Variants in TRPM3 observed in about 807,000 individuals in gnomAD.
The protein encoded by TRPM3 is long transient receptor potential channel 3.
TRPM3 carries 77 observed loss-of-function variants against 181.2 expected under a neutral mutation model. The observed-to-expected ratio is 0.42, with a 90% CI of 0.35 to 0.51. The LOEUF (loss-of-function observed/expected upper bound fraction) is 0.51, where lower values mean the gene tolerates loss of function less well. Ranked by LOEUF, TRPM3 falls within the 20% of genes least tolerant of loss-of-function variation. TRPM3 has a pLI of 0.01. For missense variants in TRPM3, 1,759 were observed against 2,196.7 expected (o/e 0.80, Z 3.98); for synonymous variants, 745 against 796.4 (o/e 0.94, Z 1.09).
chr9:71,255,495 C>A (rs1006241327), intron 1 of TRPM3, among the ~76,000 whole-genome samples: 1 of 152,118 alleles, frequency 6.6e-6, no homozygotes, highest in African/African-American at 2.4e-5. Context: ...TGTCCACACA[C>A]CTCTGCTAAA....
intron 8 of TRPM3, 129 bp downstream of exon 8, chr9:70,761,472 T>A (rs752428212): frequency 2.3e-6 from 3 of 1,308,832 alleles, no homozygotes; most frequent in East Asian, 4.8e-5. Context: ...CTGGAGCCAA[T>A]GGAGCCTGAG....
chr9:71,293,988 C>T (rs959130691), intron 1 of TRPM3, among the ~76,000 whole-genome samples: 16 of 151,938 alleles, frequency 1.1e-4, no homozygotes, highest in African/African-American at 3.4e-4. Flanking sequence ...CACAATACAA[C>T]ACTGCTTCCT....
chr9:70,805,614 T>C (rs938456455), intron 6 of TRPM3, among the ~76,000 whole-genome samples: 1 of 151,796 alleles, frequency 6.6e-6, no homozygotes, highest in Non-Finnish European at 1.5e-5. Flanking sequence ...TGGGTTTATT[T>C]GAATAAAAGA....
chr9:70,970,709 T>C (rs781183525), intron 1 of TRPM3, among the ~76,000 whole-genome samples: 2 of 152,168 alleles, frequency 1.3e-5, no homozygotes, highest in Non-Finnish European at 2.9e-5. Flanking sequence ...CCAAAGTGAA[T>C]GCTTCTAAGC....
intron 1 of TRPM3, among the ~76,000 whole-genome samples, chr9:71,388,881 A>C (rs1340944358): frequency 2.0e-5 from 3 of 152,164 alleles, no homozygotes; most frequent in African/African-American, 7.2e-5. Flanking sequence ...GGTATCTGGG[A>C]ACTTAAACTA....
At chr9:70,748,263 C>T (rs1380692176) in intron 8 of TRPM3, among the ~76,000 whole-genome samples, 1 of 152,090 alleles carries the variant, frequency 6.6e-6, no homozygotes. Flanking sequence ...AAGTCCTTGG[C>T]TTTTGCTTGC....
At chr9:70,899,850 T>C (rs1745313142) in intron 1 of TRPM3, among the ~76,000 whole-genome samples, 1 of 152,222 alleles carries the variant, frequency 6.6e-6, no homozygotes, top group African/African-American at 2.4e-5. Flanking sequence ...ACTTGATATT[T>C]GAAGAATGAA....
At chr9:70,765,656 C>T (rs1042179622) in intron 7 of TRPM3, among the ~76,000 whole-genome samples, 2 of 152,134 alleles carry the variant, frequency 1.3e-5, no homozygotes, top group Non-Finnish European at 2.9e-5. Context: ...AGTATTTGCT[C>T]TGCTGAACTA....
intron 1 of TRPM3, among the ~76,000 whole-genome samples, chr9:71,313,301 T>A (rs1306713730): frequency 6.6e-6 from 1 of 152,206 alleles, no homozygotes; most frequent in Non-Finnish European, 1.5e-5. Context: ...CATTGCTCAC[T>A]GATACGGATA....
chr9:70,799,164 G>T (rs2088136118), intron 6 of TRPM3, among the ~76,000 whole-genome samples: 1 of 152,184 alleles, frequency 6.6e-6, no homozygotes. Context: ...TCCTCCAGCG[G>T]AAATGAACAG....
chr9:71,304,238 C>T (rs2087050544), intron 1 of TRPM3, among the ~76,000 whole-genome samples: 1 of 152,042 alleles, frequency 6.6e-6, no homozygotes, highest in Non-Finnish European at 1.5e-5. Context: ...ATTAACATAC[C>T]AAGTTAAGGA....
At chr9:71,341,277 T>C (rs1387577231) in intron 1 of TRPM3, among the ~76,000 whole-genome samples, 1 of 152,134 alleles carries the variant, frequency 6.6e-6, no homozygotes, top group Admixed American at 6.6e-5. Context: ...TGCATAAATC[T>C]CAAAGTATCC....
At chr9:70,929,873 T>G (rs574945983) in intron 1 of TRPM3, among the ~76,000 whole-genome samples, 1 of 152,214 alleles carries the variant, frequency 6.6e-6, no homozygotes, top group Non-Finnish European at 1.5e-5. Context: ...GAATTAGGCC[T>G]CAGAATTTCA....
At chr9:70,764,492 C>A (rs1397667093) in intron 7 of TRPM3, among the ~76,000 whole-genome samples, 1 of 152,138 alleles carries the variant, frequency 6.6e-6, no homozygotes, top group East Asian at 1.9e-4. Flanking sequence ...ACACTTGTAT[C>A]CAATCTGTCA....
chr9:71,175,255 C>A (rs1284424091), intron 1 of TRPM3, among the ~76,000 whole-genome samples: 1 of 152,144 alleles, frequency 6.6e-6, no homozygotes, highest in East Asian at 1.9e-4. Context: ...GCTTGTGGAG[C>A]TGCATTAATG....
intron 1 of TRPM3, among the ~76,000 whole-genome samples, chr9:70,996,207 A>C (rs549815321): frequency 6.6e-6 from 1 of 152,234 alleles, no homozygotes; most frequent in Non-Finnish European, 1.5e-5. Context: ...TTATAGAACC[A>C]GAATTCTGCA....
At chr9:70,595,114 C>G (rs1408577702) in intron 21 of TRPM3, among the ~76,000 whole-genome samples, 5 of 152,122 alleles carry the variant, frequency 3.3e-5, no homozygotes, top group Non-Finnish European at 7.3e-5. Context: ...CTAGTCAAAA[C>G]TGGGATAATT....
intron 9 of TRPM3, among the ~76,000 whole-genome samples, chr9:70,671,927 C>CT (rs1374501507): frequency 5.0e-5 from 5 of 100,158 alleles, no homozygotes; most frequent in African/African-American, 2.1e-4. Flanking sequence ...CCATGTCCAG[C>CT]TAATTTTTTT....
intron 1 of TRPM3, among the ~76,000 whole-genome samples, chr9:71,442,480 A>G (rs183829928): frequency 8.1e-4 from 124 of 152,318 alleles, no homozygotes; most frequent in African/African-American, 2.8e-3. Context: ...AAGGGGGGAT[A>G]TGGAGGAGAA....
Sources: gnomAD v4.1 joint callset for allele counts (sites outside exome capture counted in the v4.1 genomes callset) on GRCh38, gnomAD v4.1.1 for gene constraint, MANE v1.5 for transcripts, NCBI Gene and HGNC (gene_info 2026-07-23, HGNC 2026-07-21) for gene names.